RABEP1: variants seen among roughly 807,000 people sequenced by gnomAD.
The protein encoded by RABEP1 is rabaptin, RAB GTPase binding effector protein 1, also known as rab GTPase-binding effector protein 1.
RABEP1 carries 51 observed loss-of-function variants against 123.4 expected under a neutral mutation model. The ratio of observed to expected loss-of-function variants is 0.41; its 90% CI spans 0.33 to 0.52. The LOEUF is 0.52. Ranked by LOEUF, RABEP1 falls within the 20% of genes least tolerant of loss-of-function variation. The pLI is 0.16. For missense variants in RABEP1, 888 were observed against 996.3 expected (o/e 0.89, Z 1.46); for synonymous variants, 347 against 355.2 (o/e 0.98, Z 0.26).
rs1482256149 is a variant in RABEP1 at position 5,323,696 on chromosome 17, C to CTAGGAATATATATATATA, written c.164-8252_164-8251insAGGAATATATATATATAT. On this transcript the variant is annotated intron_variant, in intron 2 of 17. Coordinates refer to ENST00000537505, the MANE Select transcript of RABEP1 (RefSeq NM_004703.6). ...ATTGGTGATATATATATATATCTCT[C>CTAGGAATATATATATATA]TCTAGGAATATATATATATATCTAG... Among the ~76,000 whole-genome samples the CTAGGAATATATATATATA allele has an allele frequency of 2.7e-4, 27 of 101,684 alleles. 4 individuals carry two copies. Among genetic ancestry groups the CTAGGAATATATATATATA allele is most frequent in the South Asian group, 8.7e-4 (3 of 3,458 alleles). The allele number at this position is 101,684 out of a possible 152,430, so 66.7% of individuals were successfully genotyped here.
chr17:5,358,254 C>T (rs919880722), intron 8 of RABEP1, among the ~76,000 whole-genome samples: 2 of 120,864 alleles, frequency 1.7e-5, no homozygotes, highest in Non-Finnish European at 3.2e-5. Flanking sequence ...CCATTTTTTA[C>T]TACTATACAA....
chr17:5,308,477 C>T (rs912752674), intron 1 of RABEP1, among the ~76,000 whole-genome samples: 8 of 152,290 alleles, frequency 5.3e-5, no homozygotes, highest in East Asian at 1.9e-4. Context: ...CCGCCCGCCT[C>T]GGCCTCCCAA....
intron 3 of RABEP1, among the ~76,000 whole-genome samples, chr17:5,333,080 T>A (rs989450887): frequency 6.6e-6 from 1 of 152,200 alleles, no homozygotes; most frequent in African/African-American, 2.4e-5. Context: ...GCTGAATTAC[T>A]TCCCAAATTT....
At chr17:5,337,180 A>T (rs532262878) in intron 4 of RABEP1, among the ~76,000 whole-genome samples, 2 of 152,236 alleles carry the variant, frequency 1.3e-5, no homozygotes, top group South Asian at 2.1e-4. Flanking sequence ...TTAAGGGGTC[A>T]CTCTTTGTGT....
At chr17:5,342,231 AAAAAG>A (rs1907679710) in intron 5 of RABEP1, among the ~76,000 whole-genome samples, 1 of 152,178 alleles carries the variant, frequency 6.6e-6, no homozygotes, top group Admixed American at 6.5e-5. Context: ...AAAAAAGAAA[AAAAAG>A]AAAAAGAAAA....
At chr17:5,345,162 C>T (rs1907967637) in intron 5 of RABEP1, among the ~76,000 whole-genome samples, 3 of 151,984 alleles carry the variant, frequency 2.0e-5, no homozygotes, top group South Asian at 2.1e-4. Context: ...TTGCATTCAC[C>T]GACTACTGGT....
chr17:5,323,565 AAAAG>A (rs1486638742), intron 2 of RABEP1, among the ~76,000 whole-genome samples: 3 of 151,696 alleles, frequency 2.0e-5, no homozygotes, highest in African/African-American at 4.8e-5. Context: ...AACAGCCTGA[AAAAG>A]AAATCAAAGC....
chr17:5,367,365 A>T (rs185189998), intron 11 of RABEP1, among the ~76,000 whole-genome samples: 2 of 151,186 alleles, frequency 1.3e-5, no homozygotes, highest in African/African-American at 4.9e-5. Flanking sequence ...TCTGCCTCCC[A>T]GGTTCAAGCG....
intron 1 of RABEP1, among the ~76,000 whole-genome samples, chr17:5,301,917 C>T (rs1597334745): frequency 6.6e-6 from 1 of 152,036 alleles, no homozygotes; most frequent in East Asian, 1.9e-4. Flanking sequence ...ATAACAATAA[C>T]AGTATGGGGT....
rs2144754832 is a variant in RABEP1 at position 5,386,183 on chromosome 17, G to A, written c.*2960G>A. 1 of 1,591,602 alleles carries A rather than the reference G, an allele frequency of 6.3e-7. No individual in the cohort carries two copies. The highest frequency in any genetic ancestry group is 1.1e-5 in the South Asian group (1 of 89,624). Reference sequence around the variant, plus strand: ...AAGCCTTCAATGGTGTTCAGTTCAGGTGTGAGTCAGCTCCTGGTGGTGTCA... The same window carrying A: ...AAGCCTTCAATGGTGTTCAGTTCAGATGTGAGTCAGCTCCTGGTGGTGTCA... On this transcript the variant is annotated 3_prime_UTR_variant, in exon 18 of 18. Coordinates refer to ENST00000537505, the MANE Select transcript of RABEP1 (RefSeq NM_004703.6).
intron 2 of RABEP1, among the ~76,000 whole-genome samples, chr17:5,322,001 C>G (rs1307957504): frequency 1.3e-5 from 2 of 152,226 alleles, no homozygotes; most frequent in African/African-American, 4.8e-5. Flanking sequence ...GCATTCAAGA[C>G]CAGCCTGGCC....
chr17:5,365,148 G>C lies in RABEP1; in HGVS notation c.1695G>C (p.Arg565Ser). The C allele has an allele frequency of 1.9e-6, 3 of 1,609,286 alleles. No individual in the cohort carries two copies. Among genetic ancestry groups the C allele is most frequent in the Non-Finnish European group, 2.5e-6 (3 of 1,178,360 alleles). ...DQVKKLQLMLRQANDQLEKTM... is the reference protein window; with the variant it reads ...DQVKKLQLMLSQANDQLEKTM... ...TGAAAAAACTACAGCTGATGCTAAGGCAAGCTAATGACCAGTTAGAGAAGA... is the reference window on the plus strand; with the variant it reads ...TGAAAAAACTACAGCTGATGCTAAGCCAAGCTAATGACCAGTTAGAGAAGA... Residue 565 changes from arginine (R) to serine (S), a missense_variant, in exon 11 of 18, where the codon AGG becomes AGC. Arg to Ser is a moderately radical substitution (Grantham distance 110, BLOSUM62 -1). Coordinates refer to ENST00000537505, the MANE Select transcript of RABEP1 (RefSeq NM_004703.6).
At position 5,377,259 on chromosome 17, in the gene RABEP1, T is replaced by A; in HGVS notation, c.2169T>A (p.Leu723=). The part of the protein sequence containing the change: ...IQAEQCLKEN[L]EETLQLEIEN... ...CAGAACAGTGTTTAAAAGAAAATCTTGAAGAAACTCTGCAACTAGAAATAG... is the reference window on the plus strand; with the variant it reads ...CAGAACAGTGTTTAAAAGAAAATCTAGAAGAAACTCTGCAACTAGAAATAG... Residue 723 remains leucine (L), a synonymous_variant, in exon 14 of 18, where the codon CTT becomes CTA. Transcript: ENST00000537505. 2 of 1,593,366 alleles carry A rather than the reference T, an allele frequency of 1.3e-6. No homozygotes were observed.
intron 1 of RABEP1, among the ~76,000 whole-genome samples, chr17:5,288,172 C>CA (rs1405105328): frequency 6.6e-6 from 1 of 151,626 alleles, no homozygotes; most frequent in Non-Finnish European, 1.5e-5. Context: ...ATACAGAGGT[C>CA]AGTAAAGGCT....
chr17:5,314,620 G>A (rs1048948149), intron 2 of RABEP1, among the ~76,000 whole-genome samples: 6 of 150,572 alleles, frequency 4.0e-5, no homozygotes, highest in South Asian at 2.1e-4. Flanking sequence ...CTGGCTTCAC[G>A]CCATTCTCCT....
At chr17:5,291,439 A>G (rs1597325238) in intron 1 of RABEP1, among the ~76,000 whole-genome samples, 1 of 152,248 alleles carries the variant, frequency 6.6e-6, no homozygotes, top group East Asian at 1.9e-4. Context: ...CTTACACATA[A>G]TTCTGTCCTT....
intron 5 of RABEP1, among the ~76,000 whole-genome samples, chr17:5,344,676 T>G (rs1416259944): frequency 7.3e-6 from 1 of 136,282 alleles, no homozygotes; most frequent in African/African-American, 2.8e-5. Flanking sequence ...GGAGGCTGAG[T>G]CAGGATAATG....
At chr17:5,351,732 C>T (rs1169091166) in intron 7 of RABEP1, among the ~76,000 whole-genome samples, 1 of 152,030 alleles carries the variant, frequency 6.6e-6, no homozygotes, top group Non-Finnish European at 1.5e-5. Flanking sequence ...ATCCGGGAGG[C>T]GGAGGCTGCA....
At position 5,367,389 on chromosome 17, in the gene RABEP1, A is replaced by G. The variant is rs1016903145; in HGVS notation, c.1786-981A>G. On this transcript the variant is annotated intron_variant, in intron 11 of 17. Coordinates refer to ENST00000537505, the MANE Select transcript of RABEP1 (RefSeq NM_004703.6). The stretch of plus-strand genomic sequence containing the variant: ...CAGGTTCAAGCGATTCTCCTGCCTC[A>G]GCCTCCTGAGTAGCTGGGACTACAG... 3.3e-5 allele frequency among the ~76,000 whole-genome samples: 5 copies of G among 151,696 alleles called. 1 individual carries two copies. The highest frequency in any genetic ancestry group is 7.3e-5 in the African/African-American group (3 of 41,316).
Sources: gnomAD v4.1 joint callset for allele counts (sites outside exome capture counted in the v4.1 genomes callset) on GRCh38, gnomAD v4.1.1 for gene constraint, MANE v1.5 for transcripts, NCBI Gene and HGNC (gene_info 2026-07-23, HGNC 2026-07-21) for gene names.